The following CDH5 variants were observed in gnomAD, a reference collection of about 807,000 sequenced individuals.
CDH5 encodes cadherin-5.
In CDH5, 28 loss-of-function variants were observed where a neutral mutation model predicts 62.0. That is an observed-to-expected ratio of 0.45 (90% CI 0.33 to 0.62). CDH5 has a LOEUF of 0.62. CDH5 is among the 20% of genes least tolerant of loss of function. CDH5 has a pLI of 0.02. For synonymous variants in CDH5, 464 were observed against 445.8 expected, an observed-to-expected ratio of 1.04 and a Z score of -0.52; for missense variants, 940 against 1,065.1, an observed-to-expected ratio of 0.88 and a Z score of 1.63.
intron 2 of CDH5, 126 bp from the exon 3 acceptor site, chr16:66,386,683 T>C: frequency 1.3e-6 from 1 of 780,486 alleles, no homozygotes. Context: ...TTAGGGACCC[T>C]GGCCAGCACC....
Position 66,403,482 on chromosome 16 carries a change from G to C in CDH5, c.*313G>C. The C allele has an allele frequency of 2.5e-6, 1 of 407,044 alleles. No individual in the cohort carries two copies. 25.2% of individuals were successfully genotyped at this position (407,044 alleles called of 1,614,324 possible). On this transcript the variant is annotated 3_prime_UTR_variant, in exon 12 of 12. Transcript: ENST00000341529. The surrounding 1 kb of genome is among the most constrained non-coding windows in gnomAD (Gnocchi z 4.3). ...TCAAAGACTTCCTCTGGCTCCCCAA[G>C]GCTGCAAAGCAAAACAGACTGTGTT...
intron 10 of CDH5, among the ~76,000 whole-genome samples, chr16:66,399,126 T>C (rs929477377): frequency 1.3e-5 from 2 of 152,204 alleles, no homozygotes; most frequent in Admixed American, 6.5e-5. Flanking sequence ...ACTGGAAATG[T>C]GAAATCCTAA....
chr16:66,388,241 T>C, intron 3 of CDH5, 83 bp from the exon 4 acceptor site: 1 of 852,440 alleles, frequency 1.2e-6, no homozygotes, highest in Admixed American at 1.8e-5. Context: ...GAGCACAGCC[T>C]GAGCCCCATC....
At chr16:66,396,968 A>G (rs1961196117) in intron 8 of CDH5, among the ~76,000 whole-genome samples, 1 of 152,182 alleles carries the variant, frequency 6.6e-6, no homozygotes, top group Admixed American at 6.5e-5. Context: ...TTTCTCCTCC[A>G]CATAATCCCA....
intron 2 of CDH5, among the ~76,000 whole-genome samples, chr16:66,383,438 T>A (rs1046501087): frequency 6.6e-6 from 1 of 151,978 alleles, no homozygotes; most frequent in Non-Finnish European, 1.5e-5. Flanking sequence ...GGAAGAAAAA[T>A]TGAAGGGAAG....
At chr16:66,384,372 G>T (rs970392896) in intron 2 of CDH5, among the ~76,000 whole-genome samples, 7 of 151,544 alleles carry the variant, frequency 4.6e-5, no homozygotes, top group Admixed American at 3.3e-4. Context: ...GGGATTACAG[G>T]CATGAGCCAC....
intron 1 of CDH5, among the ~76,000 whole-genome samples, chr16:66,367,449 T>C (rs1415609279): frequency 6.6e-6 from 1 of 152,142 alleles, no homozygotes; most frequent in Non-Finnish European, 1.5e-5. Context: ...ACCAGCACCC[T>C]TTCAAAGGCT....
In CDH5 at chr16:66,390,258, C is replaced by A. The variant is rs192309261; in HGVS notation, c.782-145C>A. The A allele has an allele frequency of 1.2e-4, 77 of 622,602 alleles. No individual in the cohort carries two copies. The Middle Eastern group carries it at 4.9e-3, about 40-fold the overall frequency. 38.6% of individuals were successfully genotyped at this position (622,602 alleles called of 1,614,324 possible). ...TACAGATAGGGAAGACCCTCTTTAC[C>A]TTGAGAATCCCAGGGGTATTATTAT... On this transcript the variant is annotated intron_variant, in intron 5 of 11. Coordinates refer to ENST00000341529, the MANE Select transcript of CDH5 (RefSeq NM_001795.5).
intron 1 of CDH5, among the ~76,000 whole-genome samples, chr16:66,378,112 A>G (rs752654714): frequency 2.0e-5 from 3 of 152,160 alleles, no homozygotes; most frequent in African/African-American, 7.2e-5. Context: ...CACTCACTGT[A>G]AGATCTGGAG....
chr16:66,391,276 A>G (rs1961079048), intron 6 of CDH5, among the ~76,000 whole-genome samples: 1 of 152,160 alleles, frequency 6.6e-6, no homozygotes, highest in South Asian at 2.1e-4. Context: ...GTCTCAGCGA[A>G]TGGGGAAGAC....
At position 66,402,851 on chromosome 16, in the gene CDH5, C is replaced by A. The variant is rs761398716; in HGVS notation, c.2037C>A (p.Asp679Glu). Reference sequence around the variant, plus strand: ...CCAAGCCCCCGCGGCCCGCGCTGGACGCCCGGCCTTCCCTCTATGCGCAGG... The same window carrying A: ...CCAAGCCCCCGCGGCCCGCGCTGGAAGCCCGGCCTTCCCTCTATGCGCAGG... ...GGAKPPRPAL[D>E]ARPSLYAQVQ... Residue 679 changes from aspartate to glutamate, a missense_variant, in exon 12 of 12, where the codon GAC (aspartate) becomes GAA (glutamate). Coordinates refer to ENST00000341529, the MANE Select transcript of CDH5 (RefSeq NM_001795.5). 1.2e-6 allele frequency: 2 copies of A among 1,602,182 alleles called. No homozygotes were observed. The highest frequency in any genetic ancestry group is 8.5e-7 in the Non-Finnish European group (1 of 1,175,336).
At chr16:66,401,892 C>G (rs1488678729) in intron 11 of CDH5, among the ~76,000 whole-genome samples, 2 of 152,214 alleles carry the variant, frequency 1.3e-5, no homozygotes, top group African/African-American at 4.8e-5. Context: ...CACGGCAAGG[C>G]CTGGATACAG....
At chr16:66,375,936 G>A (rs7199308) in intron 1 of CDH5, among the ~76,000 whole-genome samples, 48,117 of 151,512 alleles carry the variant, frequency 0.32, 7,961 homozygotes, top group Admixed American at 0.38. Context: ...GTGAAACCCC[G>A]TCTCTACTAA....
Position 66,402,692 on chromosome 16 carries a change from G to A in CDH5, c.1878G>A (p.Lys626=). 4 of 1,606,684 alleles carry A rather than the reference G, an allele frequency of 2.5e-6. No individual in the cohort carries two copies. The highest frequency in any genetic ancestry group is 2.5e-6 in the Non-Finnish European group (3 of 1,177,942). ...TCTTCCTGCGGCGGCGGCTCCGGAA[G>A]CAGGCCCGCGCGCACGGCAAGAGCG... ...LLIFLRRRLR[K]QARAHGKSVP... The change falls in exon 12 of 12, where the codon AAG becomes AAA. Residue 626 remains lysine, a synonymous_variant. Transcript: ENST00000341529.
chr16:66,372,559 A>T (rs1472442532), intron 1 of CDH5, among the ~76,000 whole-genome samples: 1 of 152,174 alleles, frequency 6.6e-6, no homozygotes, highest in East Asian at 1.9e-4. Flanking sequence ...GAGGAGCAGA[A>T]AGAGCCGCAG....
intron 2 of CDH5, among the ~76,000 whole-genome samples, chr16:66,384,649 G>A (rs1392029746): frequency 8.0e-6 from 1 of 124,394 alleles, no homozygotes; most frequent in Non-Finnish European, 1.6e-5. Context: ...AGCTACTCCG[G>A]AGTACCTGTC....
At chr16:66,401,094 C>T in intron 11 of CDH5, 78 bp downstream of exon 11, 1 of 1,588,516 alleles carries the variant, frequency 6.3e-7, no homozygotes, top group Non-Finnish European at 8.6e-7. Context: ...GGAGGCTTCA[C>T]AGGAAAAGTA....
At chr16:66,382,880 A>G (rs1960922033) in intron 2 of CDH5, among the ~76,000 whole-genome samples, 1 of 152,224 alleles carries the variant, frequency 6.6e-6, no homozygotes, top group Non-Finnish European at 1.5e-5. Context: ...TGGCTGGACA[A>G]TGGGAGCAAG....
Position 66,398,440 on chromosome 16 carries a change from G to C in CDH5, c.1486-16G>C. On this transcript the variant is annotated splice_polypyrimidine_tract_variant and intron_variant, in intron 9 of 11. Coordinates refer to ENST00000341529, the MANE Select transcript of CDH5 (RefSeq NM_001795.5). ...CCACCACCATCACTGACCATCTCCT[G>C]TCTTCCACACTCCAGCTGGTCCTGC... The C allele has an allele frequency of 6.6e-7, 1 of 1,521,736 alleles. No individual in the cohort carries two copies. The highest frequency in any genetic ancestry group is 9.1e-7 in the Non-Finnish European group (1 of 1,095,610). The allele number at this position is 1,521,736 out of a possible 1,614,324, so 94.3% of individuals were successfully genotyped here.
Sources: gnomAD v4.1 joint callset for allele counts (sites outside exome capture counted in the v4.1 genomes callset) on GRCh38, gnomAD v4.1.1 for gene constraint, Gnocchi (gnomAD v3.1) non-coding constraint, MANE v1.5 for transcripts, NCBI Gene and HGNC (gene_info 2026-07-23, HGNC 2026-07-21) for gene names.